The following PRKDC variants were observed in gnomAD, a reference collection of about 807,000 sequenced individuals.
PRKDC encodes the protein DNA-dependent protein kinase catalytic subunit.
PRKDC carries 82 observed loss-of-function variants against 486.9 expected under a neutral mutation model. That is an observed-to-expected ratio of 0.17 (90% CI 0.14 to 0.20). The LOEUF is 0.20. PRKDC is among the 10% of genes least tolerant of loss of function. The probability of loss-of-function intolerance (pLI) is 1.00; values close to 1 mark genes in which losing one functional copy is unlikely to be tolerated. For synonymous variants in PRKDC, 1,895 were observed against 1,837.0 expected, an observed-to-expected ratio of 1.03 and a Z score of -0.81; for missense variants, 4,504 against 5,038.2, an observed-to-expected ratio of 0.89 and a Z score of 3.21.
intron 40 of PRKDC, 92 bp from the exon 41 acceptor site, chr8:47,864,855 T>C: frequency 9.0e-7 from 1 of 1,108,500 alleles, no homozygotes; most frequent in Non-Finnish European, 1.2e-6. Flanking sequence ...TAAACACCAG[T>C]GATTACAAAT....
rs368019086 is a variant in PRKDC, at chr8:47,888,929, G to A, written c.4280+85C>T. 122 of 1,360,580 alleles carry A rather than the reference G, an allele frequency of 9.0e-5. No homozygotes were observed. In the African/African-American group the frequency reaches 1.6e-3, roughly 18 times the overall value. The allele number at this position is 1,360,580 out of a possible 1,614,324, so 84.3% of individuals were successfully genotyped here. ...ACTGATATAAGCCTTCCCTGAGGAA[G>A]CAGGAGCAGCTGCAGGAGCACGGCA... is the stretch of plus-strand genomic sequence containing the variant. On this transcript the variant is annotated intron_variant, in intron 33 of 85. Transcript: ENST00000314191.
At chr8:47,893,055 G>T (rs1031458041) in intron 31 of PRKDC, 84 bp downstream of exon 31, 3 of 1,431,772 alleles carry the variant, frequency 2.1e-6, no homozygotes, top group Non-Finnish European at 2.8e-6. Context: ...CCATCATGTC[G>T]CTGGGATTCT....
chr8:47,830,880 C>A (rs1281150136), intron 60 of PRKDC, 144 bp from the exon 61 acceptor site: 2 of 953,732 alleles, frequency 2.1e-6, no homozygotes, highest in Admixed American at 2.2e-5. Context: ...AGTCGCCGTA[C>A]TTTACCGTCT....
chr8:47,948,522 C>T (rs1258443067), intron 7 of PRKDC, among the ~76,000 whole-genome samples: 2 of 148,414 alleles, frequency 1.3e-5, no homozygotes, highest in African/African-American at 5.0e-5. Flanking sequence ...TGCAATGGCG[C>T]GATCTCAGCT....
intron 25 of PRKDC, among the ~76,000 whole-genome samples, chr8:47,910,483 G>C (rs1269180549): frequency 2.0e-5 from 3 of 152,038 alleles, no homozygotes; most frequent in African/African-American, 7.3e-5. Flanking sequence ...CACACAAGGG[G>C]CCATTTCCCA....
intron 40 of PRKDC, among the ~76,000 whole-genome samples, chr8:47,874,487 G>A (rs1046580565): frequency 1.3e-5 from 2 of 152,212 alleles, no homozygotes; most frequent in African/African-American, 4.8e-5. Flanking sequence ...GCCGAGCACT[G>A]TGGCTCACGC....
At chr8:47,890,195 A>G in intron 32 of PRKDC, 62 bp downstream of exon 32, 2 of 1,134,214 alleles carry the variant, frequency 1.8e-6, no homozygotes, top group Non-Finnish European at 2.4e-6. Context: ...CCCTTCTAAC[A>G]GAAACCTTTG....
intron 71 of PRKDC, among the ~76,000 whole-genome samples, chr8:47,800,492 A>C (rs2087082038): frequency 6.6e-6 from 1 of 152,072 alleles, no homozygotes; most frequent in East Asian, 1.9e-4. Context: ...TAGCATTAGG[A>C]GATATACCTA....
At position 47,782,011 on chromosome 8, in the gene PRKDC, A is replaced by G; in HGVS notation, c.11489+151T>C. 3 of 618,326 alleles carry G rather than the reference A, an allele frequency of 4.9e-6. No individual in the cohort carries two copies. Among genetic ancestry groups the G allele is most frequent in the Non-Finnish European group, 5.7e-6 (2 of 348,862 alleles). 38.3% of individuals were successfully genotyped at this position (618,326 alleles called of 1,614,324 possible). ...AAAATATCTGCAACTACTGGTTAGC[A>G]GCCAGCACTCCATTTGGTTTATTGA... On this transcript the variant is annotated intron_variant, in intron 80 of 85. Coordinates refer to ENST00000314191, the MANE Select transcript of PRKDC (RefSeq NM_006904.7). This position sits in a 1 kb window ranked among gnomAD's most constrained non-coding sequence, Gnocchi z 4.9.
intron 9 of PRKDC, among the ~76,000 whole-genome samples, chr8:47,943,586 T>A (rs1437981098): frequency 1.3e-5 from 2 of 152,192 alleles, no homozygotes; most frequent in East Asian, 1.9e-4. Flanking sequence ...AGAAGTGGAA[T>A]CAGGATTCAT....
At chr8:47,857,834 C>T (rs753139734) in intron 48 of PRKDC, among the ~76,000 whole-genome samples, 8 of 152,142 alleles carry the variant, frequency 5.3e-5, no homozygotes, top group Non-Finnish European at 7.4e-5. Flanking sequence ...TGACCTTCTA[C>T]GGAGCCAAGT....
chr8:47,935,095 A>C, intron 13 of PRKDC, 37 bp from the exon 14 acceptor site: 32 of 1,313,690 alleles, frequency 2.4e-5, no homozygotes, highest in Non-Finnish European at 3.2e-5. Flanking sequence ...TGAAGGAAAC[A>C]CTGAAAAACA....
chr8:47,789,171 T>C lies in PRKDC; in HGVS notation c.10738A>G (p.Asn3580Asp). ...DFINALDQLS[N>D]PELLFKDWSN... Reference sequence around the variant, plus strand: ...ATTACCTTAAAGAGCAGTTCAGGATTAGAGAGCTGATCTAAGGCATTAATA... The same window carrying C: ...ATTACCTTAAAGAGCAGTTCAGGATCAGAGAGCTGATCTAAGGCATTAATA... Residue 3580 changes from asparagine to aspartate, a missense_variant, in exon 75 of 86, where the codon AAT becomes GAT. Physicochemically the swap from Asn to Asp is conservative, Grantham distance 23. Coordinates refer to ENST00000314191, the MANE Select transcript of PRKDC (RefSeq NM_006904.7). 6.2e-7 allele frequency: 1 copy of C among 1,613,118 alleles called. No individual in the cohort carries two copies. Among genetic ancestry groups the C allele is most frequent in the Non-Finnish European group, 8.5e-7 (1 of 1,179,466 alleles).
chr8:47,852,829 T>C (rs1563767361), intron 51 of PRKDC, 45 bp from the exon 52 acceptor site: 1 of 1,230,612 alleles, frequency 8.1e-7, no homozygotes, highest in Non-Finnish European at 1.1e-6. Context: ...TAAACCATTC[T>C]GTTGTTCCAC....
chr8:47,861,379 T>C (rs1464195292), intron 44 of PRKDC, among the ~76,000 whole-genome samples: 1 of 152,350 alleles, frequency 6.6e-6, no homozygotes. Flanking sequence ...CTTAATAAAC[T>C]GGTGCTAATT....
chr8:47,833,733 G>C (rs189554197), intron 59 of PRKDC, among the ~76,000 whole-genome samples: 3 of 152,016 alleles, frequency 2.0e-5, no homozygotes, highest in Non-Finnish European at 2.9e-5. Context: ...CTGCAGAATC[G>C]ATCTGAGCCT....
At chr8:47,904,389 G>C (rs2089735398) in intron 26 of PRKDC, among the ~76,000 whole-genome samples, 1 of 152,212 alleles carries the variant, frequency 6.6e-6, no homozygotes, top group South Asian at 2.1e-4. Flanking sequence ...TGGCGAGCTG[G>C]CACTACAGGT....
At position 47,882,073 on chromosome 8, in the gene PRKDC, A is replaced by G; in HGVS notation, c.4801T>C (p.Leu1601=). Residue 1601 remains leucine (L), a synonymous_variant, in exon 37 of 86, where the codon TTA becomes CTA. Transcript: ENST00000314191. ...GCTCGCTCCCTGAAGCTCTGGTCTA[A>G]CATGCCGTTCAAAACGGCACTCACC... The part of the protein sequence containing the change: ...KMVSAVLNGM[L]DQSFRERANQ... 2 of 1,613,916 alleles carry G rather than the reference A, an allele frequency of 1.2e-6. No individual in the cohort carries two copies. Among genetic ancestry groups the G allele is most frequent in the Non-Finnish European group, 1.7e-6 (2 of 1,179,832 alleles).
intron 65 of PRKDC, 64 bp from the exon 66 acceptor site, chr8:47,821,007 A>C: frequency 9.7e-7 from 1 of 1,034,490 alleles, no homozygotes; most frequent in South Asian, 2.3e-5. Context: ...TAATTATTTT[A>C]TTTCTATTAT....
Sources: allele counts gnomAD v4.1 joint callset (sites outside exome capture counted in the v4.1 genomes callset), GRCh38; gene constraint gnomAD v4.1.1; non-coding constraint Gnocchi (gnomAD v3.1); transcripts MANE v1.5; gene names NCBI Gene and HGNC (gene_info 2026-07-23, HGNC 2026-07-21).